The following CTIF variants were observed in gnomAD, a reference collection of about 807,000 sequenced individuals.
CTIF encodes cap binding complex dependent translation initiation factor.
CTIF carries 21 observed loss-of-function variants against 66.0 expected under a neutral mutation model. That is an observed-to-expected ratio of 0.32 (90% confidence interval 0.23 to 0.46). The LOEUF (loss-of-function observed/expected upper bound fraction) is 0.46, where lower values mean the gene tolerates loss of function less well. CTIF is among the 20% of genes least tolerant of loss of function. The pLI, the probability that CTIF is intolerant of heterozygous loss-of-function variation, is 1.00. For synonymous variants in CTIF, 345 were observed against 326.4 expected, an observed-to-expected ratio of 1.06 and a Z score of -0.62; for missense variants, 739 against 812.7, an observed-to-expected ratio of 0.91 and a Z score of 1.10.
intron 2 of CTIF, among the ~76,000 whole-genome samples, chr18:48,620,875 C>G (rs1400685712): frequency 6.6e-6 from 1 of 152,058 alleles, no homozygotes; most frequent in African/African-American, 2.4e-5. Flanking sequence ...TTTGGCTTTG[C>G]TGGAACTCAG....
intron 7 of CTIF, among the ~76,000 whole-genome samples, chr18:48,727,070 GCACA>G (rs35188197): frequency 0.012 from 1,766 of 144,524 alleles, 14 homozygotes; most frequent in Middle Eastern, 0.055. Context: ...CAAGTTAGCT[GCACA>G]CACACACACA....
intron 6 of CTIF, among the ~76,000 whole-genome samples, chr18:48,678,784 G>A (rs373269367): frequency 1.2e-4 from 19 of 152,128 alleles, no homozygotes; most frequent in African/African-American, 4.3e-4. Context: ...TTTCAGGGCT[G>A]TGTGGGGCAG....
chr18:48,621,463 G>A (rs925461768), intron 2 of CTIF: 3 of 311,644 alleles, frequency 9.6e-6, no homozygotes, highest in African/African-American at 7.0e-5. Flanking sequence ...TGAGGACTGT[G>A]TCGTCAGGAG....
intron 2 of CTIF, chr18:48,625,237 G>A: frequency 1.0e-6 from 1 of 984,824 alleles, no homozygotes; most frequent in African/African-American, 1.7e-5. Context: ...AACAGAAGAA[G>A]TGAGTTTATA....
At chr18:48,565,301 C>T (rs1000685775) in intron 1 of CTIF, 1 of 152,138 alleles carries the variant, frequency 6.6e-6, no homozygotes, top group Non-Finnish European at 1.5e-5. Flanking sequence ...TCCTGGCTGT[C>T]AAGGGCCTTG....
intron 10 of CTIF, among the ~76,000 whole-genome samples, chr18:48,851,979 C>T (rs1450187291): frequency 2.0e-5 from 3 of 152,064 alleles, no homozygotes; most frequent in African/African-American, 7.2e-5. Context: ...CTATAATTTA[C>T]CTAGCACTTT....
At chr18:48,705,039 C>T (rs983905358) in intron 6 of CTIF, among the ~76,000 whole-genome samples, 23 of 152,166 alleles carry the variant, frequency 1.5e-4, no homozygotes, top group African/African-American at 5.6e-4. Context: ...GAGCCTTTTC[C>T]AGCCTCTGAA....
At chr18:48,664,297 G>C in intron 4 of CTIF, 150 bp from the exon 5 acceptor site, 1 of 676,264 alleles carries the variant, frequency 1.5e-6, no homozygotes. Flanking sequence ...GTGGCACCTG[G>C]GGCTCCATTC....
At chr18:48,729,169 A>G (rs558526255) in intron 7 of CTIF, among the ~76,000 whole-genome samples, 3 of 152,276 alleles carry the variant, frequency 2.0e-5, no homozygotes, top group African/African-American at 7.2e-5. Context: ...ATTTGAAGCC[A>G]GGGGATGCTG....
chr18:48,814,464 G>T (rs2068321474), intron 9 of CTIF, among the ~76,000 whole-genome samples: 1 of 152,166 alleles, frequency 6.6e-6, no homozygotes, highest in Admixed American at 6.5e-5. Context: ...AGCAGAGAAG[G>T]GGCTTAATTT....
chr18:48,632,603 G>T (rs1413204536), intron 2 of CTIF, among the ~76,000 whole-genome samples: 3 of 152,108 alleles, frequency 2.0e-5, no homozygotes, highest in African/African-American at 4.8e-5. Flanking sequence ...TTCAACCCCT[G>T]CATATGGAGG....
At chr18:48,851,931 T>A (rs1159828701) in intron 10 of CTIF, among the ~76,000 whole-genome samples, 1 of 152,058 alleles carries the variant, frequency 6.6e-6, no homozygotes, top group African/African-American at 2.4e-5. Flanking sequence ...AAATTTACTA[T>A]AAGAAAGAAG....
At chr18:48,791,556 C>A (rs887102680) in intron 9 of CTIF, among the ~76,000 whole-genome samples, 2 of 151,874 alleles carry the variant, frequency 1.3e-5, no homozygotes, top group African/African-American at 4.8e-5. Context: ...CTGGGGGCTC[C>A]CCTTAGTGGG....
At chr18:48,637,457 C>T (rs299718) in intron 3 of CTIF, among the ~76,000 whole-genome samples, 2 of 152,102 alleles carry the variant, frequency 1.3e-5, no homozygotes, top group Admixed American at 6.5e-5. Context: ...GTCCAGCCTC[C>T]GACTATGCCT....
chr18:48,606,288 G>C (rs1468162733), intron 1 of CTIF, among the ~76,000 whole-genome samples: 1 of 152,246 alleles, frequency 6.6e-6, no homozygotes, highest in Non-Finnish European at 1.5e-5. Context: ...GCCACAAGGA[G>C]TGGGAATCTG....
chr18:48,616,448 T>G (rs931983612), intron 1 of CTIF, among the ~76,000 whole-genome samples: 1 of 152,104 alleles, frequency 6.6e-6, no homozygotes, highest in Non-Finnish European at 1.5e-5. Flanking sequence ...ATTGGGGAAC[T>G]TGGAGGTGGC....
At chr18:48,604,943 C>A (rs1392123429) in intron 1 of CTIF, among the ~76,000 whole-genome samples, 1 of 152,166 alleles carries the variant, frequency 6.6e-6, no homozygotes, top group African/African-American at 2.4e-5. Flanking sequence ...CATGTGGTAG[C>A]GTGGATCAGT....
At chr18:48,723,217 CCT>C (rs917925523) in intron 7 of CTIF, among the ~76,000 whole-genome samples, 4 of 152,174 alleles carry the variant, frequency 2.6e-5, no homozygotes, top group African/African-American at 9.7e-5. Flanking sequence ...ACATACTCCC[CCT>C]GTTAACCACC....
At chr18:48,540,447 G>A (rs2088581621) in intron 1 of CTIF, 1 of 152,026 alleles carries the variant, frequency 6.6e-6, no homozygotes, top group Admixed American at 6.5e-5. Flanking sequence ...CCTGGATGTG[G>A]CCGGAGGGGG....
Sources: gnomAD v4.1 joint callset for allele counts (sites outside exome capture counted in the v4.1 genomes callset) on GRCh38, gnomAD v4.1.1 for gene constraint, MANE v1.5 for transcripts, NCBI Gene and HGNC (gene_info 2026-07-23, HGNC 2026-07-21) for gene names.